FAM227A: variants seen among roughly 807,000 people sequenced by gnomAD.
The protein encoded by FAM227A is protein FAM227A.
A neutral mutation model predicts 74.7 loss-of-function variants in FAM227A; 80 were observed. The ratio of observed to expected loss-of-function variants is 1.07; its 90% CI spans 0.89 to 1.29. The LOEUF (loss-of-function observed/expected upper bound fraction) is 1.29. FAM227A is among the 50% of genes most tolerant of loss of function. The probability of loss-of-function intolerance (pLI) is 0.00; values close to 1 mark genes in which losing one functional copy is unlikely to be tolerated. For synonymous variants in FAM227A, 237 were observed against 241.8 expected, an observed-to-expected ratio of 0.98 and a Z score of 0.19; for missense variants, 654 against 683.4, an observed-to-expected ratio of 0.96 and a Z score of 0.48.
At chr22:38,609,913 G>A (rs1245511414) in intron 11 of FAM227A, among the ~76,000 whole-genome samples, 2 of 151,888 alleles carry the variant, frequency 1.3e-5, no homozygotes, top group African/African-American at 4.8e-5. Context: ...CTGGGACTAC[G>A]GGCGCCCGCC....
In FAM227A at chr22:38,628,318, G is replaced by T. The variant is rs756048065; in HGVS notation, c.646C>A (p.Leu216Met). 6.4e-7 allele frequency: 1 copy of T among 1,551,298 alleles called. No individual in the cohort carries two copies. The highest frequency in any genetic ancestry group is 1.2e-5 in the South Asian group (1 of 84,044). The change falls in exon 8 of 17, where the codon CTG becomes ATG. Residue 216 changes from leucine (L) to methionine (M), a missense_variant. Transcript: ENST00000535113. ...YQPNKELQNN[L>M]FDRIAQHYAL... ...TAGTGCTGGGCTATCCGGTCAAACA[G>T]ATTATTCTGGAGCTCCTTGTTTGGC...
rs190097341 is a variant in FAM227A at position 38,617,354 on chromosome 22, G to A, written c.1038+2858C>T. On this transcript the variant is annotated intron_variant, in intron 11 of 16. Transcript: ENST00000535113. ...TCCGTCACCAAGGCTGGAGTGCAGC[G>A]GCACGATCTCAGCTCACAGCAACCT... is the stretch of plus-strand genomic sequence containing the variant. 3.7e-3 allele frequency among the ~76,000 whole-genome samples: 547 copies of A among 149,604 alleles called. 4 individuals are homozygous for A. Among genetic ancestry groups the A allele is most frequent in the African/African-American group, 0.013 (511 of 40,468 alleles).
chr22:38,636,017 G>T (rs1040723707), intron 6 of FAM227A, among the ~76,000 whole-genome samples: 1 of 142,686 alleles, frequency 7.0e-6, no homozygotes, highest in Admixed American at 7.2e-5. Context: ...GAAAAAGAAG[G>T]AAAGAAAGAA....
chr22:38,607,026 A>C (rs1210728471), intron 12 of FAM227A, among the ~76,000 whole-genome samples: 1 of 151,888 alleles, frequency 6.6e-6, no homozygotes, highest in Non-Finnish European at 1.5e-5. Context: ...AAAATACAAA[A>C]ATTAGCCAGG....
intron 3 of FAM227A, among the ~76,000 whole-genome samples, chr22:38,643,063 T>C (rs1397743941): frequency 1.3e-5 from 2 of 149,686 alleles, no homozygotes; most frequent in African/African-American, 2.5e-5. Flanking sequence ...GCCTGTAATC[T>C]CAGCACTTTG....
At chr22:38,602,452 A>G (rs1482334905) in intron 13 of FAM227A, among the ~76,000 whole-genome samples, 8 of 148,394 alleles carry the variant, frequency 5.4e-5, no homozygotes, top group African/African-American at 1.7e-4. Flanking sequence ...TTTATAGATC[A>G]TTTGGTCCAG....
chr22:38,622,737 G>A (rs1230513270), intron 10 of FAM227A, among the ~76,000 whole-genome samples: 11 of 151,838 alleles, frequency 7.2e-5, no homozygotes, highest in Non-Finnish European at 1.2e-4. Flanking sequence ...TTAGCTGGGC[G>A]TGGTGGTGGG....
At chr22:38,629,618 G>A (rs971287277) in intron 6 of FAM227A, among the ~76,000 whole-genome samples, 2 of 152,284 alleles carry the variant, frequency 1.3e-5, no homozygotes, top group African/African-American at 4.8e-5. Flanking sequence ...TGGGCCAGGA[G>A]GTTCCAAAGC....
chr22:38,601,924 G>A (rs962746404), intron 13 of FAM227A, among the ~76,000 whole-genome samples: 3 of 152,140 alleles, frequency 2.0e-5, no homozygotes, highest in Middle Eastern at 3.4e-3. Flanking sequence ...ACAGCCAGGA[G>A]GAAACAGATC....
intron 3 of FAM227A, among the ~76,000 whole-genome samples, chr22:38,642,263 T>C (rs2145688425): frequency 1.3e-5 from 2 of 152,244 alleles, no homozygotes; most frequent in East Asian, 3.9e-4. Flanking sequence ...AATAAACCCA[T>C]GGGCAGAAAC....
rs1465090655 is a variant in FAM227A at position 38,656,378 on chromosome 22, A to T, written c.-353T>A. 1 of 152,280 alleles carries T rather than the reference A, an allele frequency of 6.6e-6. No individual in the cohort carries two copies. The highest frequency in any genetic ancestry group is 1.9e-4 in the East Asian group (1 of 5,172). 9.4% of individuals were successfully genotyped at this position (152,280 alleles called of 1,614,324 possible). ...TTAGCATAACAATGGAACCTTCGTG[A>T]GCCGCCGCGTTGTCCGCGAGATGCC... On this transcript the variant is annotated 5_prime_UTR_variant, in exon 1 of 17. Transcript: ENST00000535113.
rs1264961688 is a variant in FAM227A at position 38,646,258 on chromosome 22, T to TC, written c.143-614_143-613insG. On this transcript the variant is annotated intron_variant, in intron 2 of 16. Coordinates refer to ENST00000535113, the MANE Select transcript of FAM227A (RefSeq NM_001013647.2). ...TTCCTTCCAGTATTTCTTTTTTTTTTTTTTTTTTTTTTTTTTTTTGAGACG... is the reference window on the plus strand; with the variant it reads ...TTCCTTCCAGTATTTCTTTTTTTTTTCTTTTTTTTTTTTTTTTTTTGAGACG... 1.9e-4 allele frequency among the ~76,000 whole-genome samples: 22 copies of TC among 113,898 alleles called. 1 individual carries two copies. The East Asian group carries it at 4.5e-3, about 23-fold the overall frequency. 74.7% of individuals were successfully genotyped at this position (113,898 alleles called of 152,430 possible).
intron 14 of FAM227A, among the ~76,000 whole-genome samples, chr22:38,597,733 G>A (rs1449384307): frequency 6.6e-6 from 1 of 152,056 alleles, no homozygotes; most frequent in African/African-American, 2.4e-5. Flanking sequence ...CTCAGCCCAA[G>A]GCCTCATTCT....
chr22:38,639,601 C>T, intron 4 of FAM227A, 54 bp downstream of exon 4: 1 of 1,515,026 alleles, frequency 6.6e-7, no homozygotes, highest in Non-Finnish European at 9.0e-7. Flanking sequence ...ATTTTAGATA[C>T]TAAAAAAACA....
chr22:38,628,706 G>C lies in FAM227A; in HGVS notation c.621+128C>G. On this transcript the variant is annotated intron_variant, in intron 7 of 16. Coordinates refer to ENST00000535113, the MANE Select transcript of FAM227A (RefSeq NM_001013647.2). ...GAGGCATGGGACGGGAGGGGACTGG[G>C]TGACAGGGGAGGCTGTGGGGTGCTC... The C allele has an allele frequency of 5.8e-6, 4 of 688,144 alleles. No homozygotes were observed. In the South Asian group the frequency reaches 6.7e-5, roughly 12 times the overall value. 42.6% of individuals were successfully genotyped at this position (688,144 alleles called of 1,614,324 possible).
chr22:38,639,532 C>T (rs771648762), intron 4 of FAM227A, 123 bp downstream of exon 4: 19 of 959,516 alleles, frequency 2.0e-5, no homozygotes, highest in Non-Finnish European at 2.9e-5. Context: ...AGATTTAAGG[C>T]TCCTTCAGAA....
At chr22:38,605,185 A>G (rs1284261147) in intron 13 of FAM227A, 69 bp downstream of exon 13, 3 of 885,780 alleles carry the variant, frequency 3.4e-6, no homozygotes, top group Non-Finnish European at 3.6e-6. Context: ...GTTAATTATC[A>G]TTTTCTTACC....
At chr22:38,604,644 G>A (rs2091245451) in intron 13 of FAM227A, among the ~76,000 whole-genome samples, 1 of 151,974 alleles carries the variant, frequency 6.6e-6, no homozygotes, top group Non-Finnish European at 1.5e-5. Flanking sequence ...TCACTTATTT[G>A]CTTTTTATTT....
chr22:38,636,757 A>G (rs2092014489), intron 5 of FAM227A, among the ~76,000 whole-genome samples, 160 bp from the exon 6 acceptor site: 1 of 147,780 alleles, frequency 6.8e-6, no homozygotes, highest in African/African-American at 2.5e-5. Context: ...CCAAACTCCT[A>G]TCTACATTAT....
Sources: gnomAD v4.1 joint callset for allele counts (sites outside exome capture counted in the v4.1 genomes callset) on GRCh38, gnomAD v4.1.1 for gene constraint, MANE v1.5 for transcripts, NCBI Gene and HGNC (gene_info 2026-07-23, HGNC 2026-07-21) for gene names.